The following YWHAE variants were observed in gnomAD, a reference collection of about 807,000 sequenced individuals.
The protein encoded by YWHAE is 14-3-3 protein epsilon.
A neutral mutation model predicts 30.1 loss-of-function variants in YWHAE; 4 were observed. The ratio of observed to expected loss-of-function variants is 0.13; its 90% CI spans 0.07 to 0.30. The LOEUF (loss-of-function observed/expected upper bound fraction) is 0.30, where lower values mean the gene tolerates loss of function less well. Ranked by LOEUF, YWHAE falls within the 10% of genes least tolerant of loss-of-function variation. YWHAE has a pLI of 1.00. For synonymous variants in YWHAE, 118 were observed against 111.8 expected (o/e 1.06, Z -0.35); for missense variants, 121 against 315.9 (o/e 0.38, Z 4.68).
At chr17:1,354,498 C>T in intron 4 of YWHAE, 151 bp from the exon 5 acceptor site, 1 of 800,978 alleles carries the variant, frequency 1.2e-6, no homozygotes, top group Non-Finnish European at 1.9e-6. Context: ...TAAAAATTAA[C>T]TTAAAGGTAT....
chr17:1,362,691 T>G (rs1015491604), intron 2 of YWHAE, among the ~76,000 whole-genome samples: 14 of 152,082 alleles, frequency 9.2e-5, no homozygotes, highest in African/African-American at 3.4e-4. Context: ...TATTAACTCA[T>G]GCAGCACTAC....
rs573246106 is a variant in YWHAE, at chr17:1,384,519, G to A, written c.64+15528C>T. 2.1e-4 allele frequency among the ~76,000 whole-genome samples: 26 copies of A among 121,994 alleles called. No homozygotes were observed. The South Asian group carries it at 6.1e-3, about 29-fold the overall frequency. The allele number at this position is 121,994 out of a possible 152,430, so 80.0% of individuals were successfully genotyped here. ...ATCCTGGCTAACACGGTGAAACCCT[G>A]TCTCTACTAAAAATACAAAAAAAAT... On this transcript the variant is annotated intron_variant, in intron 1 of 5. Coordinates refer to ENST00000264335, the MANE Select transcript of YWHAE (RefSeq NM_006761.5).
chr17:1,398,834 T>C (rs1307630674), intron 1 of YWHAE: 3 of 152,046 alleles, frequency 2.0e-5, no homozygotes, highest in Admixed American at 1.3e-4. Flanking sequence ...GGAGAACCCA[T>C]TAGGGGCAAA....
chr17:1,384,205 A>C (rs2073263011), intron 1 of YWHAE, among the ~76,000 whole-genome samples: 1 of 152,110 alleles, frequency 6.6e-6, no homozygotes. Context: ...CCCTGTCTCA[A>C]AAAAATAAAA....
At chr17:1,365,668 AAC>A (rs1308224628) in intron 1 of YWHAE, among the ~76,000 whole-genome samples, 6 of 152,198 alleles carry the variant, frequency 3.9e-5, no homozygotes, top group Admixed American at 2.6e-4. Flanking sequence ...AGCATAGGGA[AAC>A]ACAACGGCGT....
chr17:1,362,039 A>C (rs1293843009), intron 2 of YWHAE, 31 bp from the exon 3 acceptor site: 29 of 1,335,192 alleles, frequency 2.2e-5, no homozygotes, highest in Non-Finnish European at 2.9e-5. Flanking sequence ...TTTAAATCAG[A>C]TTAAGTCTAG....
chr17:1,397,234 G>T lies in YWHAE; in HGVS notation c.64+2813C>A, dbSNP rs1020529374. The stretch of plus-strand genomic sequence containing the variant: ...ACTTTCTTGTACTATTTCATATACG[G>T]GACAGTAAGAGCTGTTTGAGAAATG... On this transcript the variant is annotated intron_variant, in intron 1 of 5. Coordinates refer to ENST00000264335, the MANE Select transcript of YWHAE (RefSeq NM_006761.5). Among the ~76,000 whole-genome samples the T allele has an allele frequency of 2.0e-5, 3 of 152,214 alleles. No individual in the cohort carries two copies. In the East Asian group the frequency reaches 5.8e-4, roughly 29 times the overall value.
At chr17:1,392,754 G>A (rs2073407619) in intron 1 of YWHAE, among the ~76,000 whole-genome samples, 1 of 151,948 alleles carries the variant, frequency 6.6e-6, no homozygotes, top group Non-Finnish European at 1.5e-5. Context: ...GGAGGCTGAG[G>A]CAGGAGAATC....
At chr17:1,397,099 A>C (rs982531794) in intron 1 of YWHAE, among the ~76,000 whole-genome samples, 1 of 151,446 alleles carries the variant, frequency 6.6e-6, no homozygotes, top group African/African-American at 2.4e-5. Context: ...GGGTTTCACC[A>C]TGTTGGCCAG....
intron 1 of YWHAE, among the ~76,000 whole-genome samples, chr17:1,391,719 A>G (rs1039135235): frequency 6.6e-6 from 1 of 152,176 alleles, no homozygotes; most frequent in Admixed American, 6.5e-5. Flanking sequence ...GTTCATGCCT[A>G]TAATCCCTGC....
At chr17:1,384,706 A>C (rs939138659) in intron 1 of YWHAE, among the ~76,000 whole-genome samples, 1 of 151,326 alleles carries the variant, frequency 6.6e-6, no homozygotes, top group African/African-American at 2.4e-5. Context: ...GGATTAAAGG[A>C]GTGAGCCACT....
intron 1 of YWHAE, among the ~76,000 whole-genome samples, chr17:1,394,041 C>T (rs1216736558): frequency 1.3e-5 from 2 of 152,070 alleles, no homozygotes; most frequent in African/African-American, 2.4e-5. Flanking sequence ...CGCTACTCAC[C>T]CCCTACTCCC....
At chr17:1,396,077 C>T (rs1197835092) in intron 1 of YWHAE, among the ~76,000 whole-genome samples, 1 of 151,968 alleles carries the variant, frequency 6.6e-6, no homozygotes, top group East Asian at 1.9e-4. Context: ...CGAGATCGCG[C>T]TATTGCACTA....
intron 1 of YWHAE, among the ~76,000 whole-genome samples, chr17:1,398,543 A>C (rs771755860): frequency 9.9e-5 from 15 of 152,152 alleles, no homozygotes; most frequent in Admixed American, 3.9e-4. Flanking sequence ...AAGGGCCCTA[A>C]CATTTTGAAA....
chr17:1,364,832 G>C (rs1186544232), intron 2 of YWHAE, 27 bp downstream of exon 2: 2 of 1,613,582 alleles, frequency 1.2e-6, no homozygotes, highest in African/African-American at 2.7e-5. Context: ...CTGTGGATAA[G>C]GGGGGATGAT....
intron 4 of YWHAE, among the ~76,000 whole-genome samples, chr17:1,358,514 CA>C (rs2072798829): frequency 6.7e-6 from 1 of 149,752 alleles, no homozygotes; most frequent in Non-Finnish European, 1.5e-5. Flanking sequence ...GCTGGGATTA[CA>C]GGCGTGAGCC....
At chr17:1,377,742 A>G (rs1044887694) in intron 1 of YWHAE, among the ~76,000 whole-genome samples, 2 of 152,154 alleles carry the variant, frequency 1.3e-5, no homozygotes, top group African/African-American at 4.8e-5. Context: ...TCAAACTCAA[A>G]TGTCTTACTA....
At chr17:1,384,597 G>A (rs529930211) in intron 1 of YWHAE, among the ~76,000 whole-genome samples, 1 of 152,232 alleles carries the variant, frequency 6.6e-6, no homozygotes, top group East Asian at 1.9e-4. Flanking sequence ...GGAGGCTGAG[G>A]CAGGATAATG....
chr17:1,364,811 G>A (rs1222776617), intron 2 of YWHAE, 48 bp downstream of exon 2: 2 of 1,609,814 alleles, frequency 1.2e-6, no homozygotes, highest in Non-Finnish European at 1.7e-6. Flanking sequence ...CCGTCCTACA[G>A]GTAACTCAAA....
Sources: allele counts gnomAD v4.1 joint callset (sites outside exome capture counted in the v4.1 genomes callset), GRCh38; gene constraint gnomAD v4.1.1; transcripts MANE v1.5; gene names NCBI Gene and HGNC (gene_info 2026-07-23, HGNC 2026-07-21).